Variants in PTPN9 observed in about 807,000 individuals in gnomAD.
The protein encoded by PTPN9 is protein tyrosine phosphatase non-receptor type 9.
PTPN9 carries 26 observed loss-of-function variants against 69.8 expected under a neutral mutation model. The observed-to-expected ratio is 0.37, with a 90% confidence interval of 0.27 to 0.52. The LOEUF (loss-of-function observed/expected upper bound fraction) is 0.52. Among genes scored for constraint, PTPN9 ranks in the 20% least tolerant of loss-of-function variants. The probability of loss-of-function intolerance (pLI) is 0.91; values close to 1 mark genes in which losing one functional copy is unlikely to be tolerated. For synonymous variants in PTPN9, 274 were observed against 272.5 expected, an observed-to-expected ratio of 1.01 and a Z score of -0.05; for missense variants, 549 against 740.3, an observed-to-expected ratio of 0.74 and a Z score of 3.00.
At chr15:75,564,184 CA>C (rs1179862555) in intron 1 of PTPN9, among the ~76,000 whole-genome samples, 1 of 151,788 alleles carries the variant, frequency 6.6e-6, no homozygotes, top group Non-Finnish European at 1.5e-5. Context: ...TTCCTGGGCT[CA>C]ATCGATCCTC....
At chr15:75,533,335 T>G (rs540362393) in intron 1 of PTPN9, among the ~76,000 whole-genome samples, 1 of 152,204 alleles carries the variant, frequency 6.6e-6, no homozygotes, top group African/African-American at 2.4e-5. Context: ...CATGGCTCAC[T>G]GCAGCCTCGA....
At chr15:75,479,124 T>C (rs1166786520) in intron 9 of PTPN9, among the ~76,000 whole-genome samples, 2 of 152,164 alleles carry the variant, frequency 1.3e-5, no homozygotes, top group Non-Finnish European at 2.9e-5. Flanking sequence ...CTGTCCAACA[T>C]GGTGAAACCC....
chr15:75,503,617 C>T (rs2074790027), intron 7 of PTPN9, among the ~76,000 whole-genome samples: 2 of 133,776 alleles, frequency 1.5e-5, no homozygotes, highest in Non-Finnish European at 3.2e-5. Flanking sequence ...CCCCGCCCGG[C>T]CAGCCGCCCC....
intron 1 of PTPN9, among the ~76,000 whole-genome samples, chr15:75,564,603 A>G (rs2075118979): frequency 6.6e-6 from 1 of 151,772 alleles, no homozygotes; most frequent in Admixed American, 6.6e-5. Flanking sequence ...TCAAAAAAAA[A>G]AAAAAAAATA....
intron 1 of PTPN9, among the ~76,000 whole-genome samples, chr15:75,530,873 ATATAT>A (rs1199182970): frequency 8.8e-6 from 1 of 113,402 alleles, no homozygotes; most frequent in Non-Finnish European, 1.7e-5. Flanking sequence ...ATATATTACG[ATATAT>A]TATATATTAT....
At chr15:75,522,404 T>C (rs1049388171) in intron 4 of PTPN9, among the ~76,000 whole-genome samples, 1 of 152,068 alleles carries the variant, frequency 6.6e-6, no homozygotes, top group Non-Finnish European at 1.5e-5. Flanking sequence ...TGTGGGGTTT[T>C]TTTTGAGACA....
chr15:75,502,654 C>G (rs898331908), intron 7 of PTPN9, among the ~76,000 whole-genome samples: 2 of 152,012 alleles, frequency 1.3e-5, no homozygotes, highest in Non-Finnish European at 2.9e-5. Flanking sequence ...GGTTAAAGTC[C>G]TATGAGGCAA....
intron 1 of PTPN9, among the ~76,000 whole-genome samples, chr15:75,558,827 A>G (rs2075089294): frequency 6.6e-6 from 1 of 152,152 alleles, no homozygotes; most frequent in South Asian, 2.1e-4. Context: ...TCGTTCACTC[A>G]GTGCTCAATG....
chr15:75,554,858 G>A (rs909794672), intron 1 of PTPN9, among the ~76,000 whole-genome samples: 1 of 152,138 alleles, frequency 6.6e-6, no homozygotes, highest in African/African-American at 2.4e-5. Context: ...CACATGTCCA[G>A]ACTCTCAGGG....
At position 75,464,498 on chromosome 15, in the gene PTPN9, A is replaced by G. The variant is rs1211933510; in HGVS notation, c.*4271T>C. ...TCCTCTATGGGTGTTTGCACTGTCT[A>G]ACAAAGAACTGGACCCTGACAGTCA... On this transcript the variant is annotated 3_prime_UTR_variant, in exon 13 of 13. Transcript: ENST00000618819. The G allele has an allele frequency of 6.6e-6, 1 of 152,108 alleles. No individual in the cohort carries two copies. Among genetic ancestry groups the G allele is most frequent in the Non-Finnish European group, 1.5e-5 (1 of 68,024 alleles). The allele number at this position is 152,108 out of a possible 1,614,324, so 9.4% of individuals were successfully genotyped here.
chr15:75,508,060 A>AG (rs2074829236), intron 6 of PTPN9, among the ~76,000 whole-genome samples: 5 of 151,310 alleles, frequency 3.3e-5, no homozygotes, highest in Admixed American at 3.3e-4. Flanking sequence ...AAAAAAAAAA[A>AG]AAAAGAAAAG....
chr15:75,507,623 C>T (rs1297601506), intron 6 of PTPN9, among the ~76,000 whole-genome samples: 2 of 150,290 alleles, frequency 1.3e-5, no homozygotes, highest in Non-Finnish European at 3.0e-5. Context: ...AAAAATTAGC[C>T]GGGCGTGACA....
chr15:75,540,880 C>A (rs1234011254), intron 1 of PTPN9, among the ~76,000 whole-genome samples: 1 of 151,762 alleles, frequency 6.6e-6, no homozygotes, highest in Non-Finnish European at 1.5e-5. Context: ...GAGTTTGAGA[C>A]CAGCCTGGGC....
intron 1 of PTPN9, among the ~76,000 whole-genome samples, chr15:75,571,446 AAAAAG>A (rs1213679526): frequency 5.3e-5 from 8 of 152,248 alleles, no homozygotes; most frequent in African/African-American, 1.7e-4. Context: ...ATTAAAATAA[AAAAAG>A]AAACAAAAAT....
chr15:75,494,941 T>C (rs1416780603), intron 7 of PTPN9, among the ~76,000 whole-genome samples: 3 of 151,972 alleles, frequency 2.0e-5, no homozygotes, highest in Non-Finnish European at 4.4e-5. Context: ...GGAGAATCAC[T>C]TGAACCCAGA....
chr15:75,483,308 C>CA (rs1297453715), intron 8 of PTPN9, among the ~76,000 whole-genome samples: 4 of 152,244 alleles, frequency 2.6e-5, no homozygotes, highest in Admixed American at 6.5e-5. Flanking sequence ...AAAATGGAAA[C>CA]AACTCAAATG....
chr15:75,575,705 G>A (rs1245497031), intron 1 of PTPN9, among the ~76,000 whole-genome samples: 1 of 151,416 alleles, frequency 6.6e-6, no homozygotes, highest in Non-Finnish European at 1.5e-5. Context: ...GGATCATGAG[G>A]TCAGGAGATC....
chr15:75,578,653 A>C (rs1422903875), intron 1 of PTPN9, 61 bp downstream of exon 1: 2 of 1,238,724 alleles, frequency 1.6e-6, no homozygotes, highest in Admixed American at 4.1e-5. Flanking sequence ...CGGGAGGCAG[A>C]GGCCGGCGTA....
At chr15:75,507,508 TG>T (rs2141312078) in intron 6 of PTPN9, among the ~76,000 whole-genome samples, 1 of 151,406 alleles carries the variant, frequency 6.6e-6, no homozygotes, top group South Asian at 2.1e-4. Flanking sequence ...GGCTTATGCC[TG>T]TAATCCCAGC....
Sources: gnomAD v4.1 joint callset for allele counts (sites outside exome capture counted in the v4.1 genomes callset) on GRCh38, gnomAD v4.1.1 for gene constraint, MANE v1.5 for transcripts, NCBI Gene and HGNC (gene_info 2026-07-23, HGNC 2026-07-21) for gene names.